The following MIPEP variants were observed in gnomAD, a reference collection of about 807,000 sequenced individuals.
MIPEP encodes mitochondrial intermediate peptidase.
In MIPEP, 79 loss-of-function variants were observed where a neutral mutation model predicts 90.3. That is an observed-to-expected ratio of 0.87 (90% CI 0.73 to 1.05). The LOEUF (loss-of-function observed/expected upper bound fraction) is 1.05. MIPEP is among the 50% of genes least tolerant of loss of function. MIPEP has a pLI of 0.00. For missense variants in MIPEP, 940 were observed against 905.6 expected (o/e 1.04, Z -0.49); for synonymous variants, 334 against 315.8 (o/e 1.06, Z -0.61).
At chr13:23,849,295 A>G (rs1869696566) in intron 10 of MIPEP, among the ~76,000 whole-genome samples, 1 of 152,260 alleles carries the variant, frequency 6.6e-6, no homozygotes, top group Non-Finnish European at 1.5e-5. Context: ...CTCACAGCAC[A>G]GCAGAGCCAC....
chr13:23,847,587 G>C (rs1869605517), intron 10 of MIPEP, among the ~76,000 whole-genome samples: 1 of 152,078 alleles, frequency 6.6e-6, no homozygotes, highest in African/African-American at 2.4e-5. Context: ...TGGGTAGACT[G>C]ACAGGCCTAT....
chr13:23,760,053 A>G, intron 17 of MIPEP, 43 bp downstream of exon 17: 3 of 1,612,326 alleles, frequency 1.9e-6, no homozygotes, highest in Non-Finnish European at 2.5e-6. Flanking sequence ...GTGGGGAATT[A>G]CTGTGGTCCA....
chr13:23,853,342 T>C (rs1445782032), intron 10 of MIPEP, among the ~76,000 whole-genome samples: 1 of 152,150 alleles, frequency 6.6e-6, no homozygotes, highest in Non-Finnish European at 1.5e-5. Context: ...TTTTTTATCT[T>C]TTATACCTAT....
chr13:23,887,408 T>A (rs767061017), intron 1 of MIPEP, among the ~76,000 whole-genome samples: 2 of 152,232 alleles, frequency 1.3e-5, no homozygotes, highest in Non-Finnish European at 2.9e-5. Flanking sequence ...ATCATTCTTT[T>A]ACAGATCAGG....
At chr13:23,851,951 T>C (rs1363192067) in intron 10 of MIPEP, among the ~76,000 whole-genome samples, 1 of 152,216 alleles carries the variant, frequency 6.6e-6, no homozygotes, top group Non-Finnish European at 1.5e-5. Context: ...CAGTGAGTTA[T>C]TATATGTAAC....
chr13:23,755,928 A>G (rs1302543644), intron 18 of MIPEP, among the ~76,000 whole-genome samples: 1 of 152,188 alleles, frequency 6.6e-6, no homozygotes, highest in Admixed American at 6.5e-5. Context: ...TTAGACTAAA[A>G]AAAAAACACT....
intron 15 of MIPEP, among the ~76,000 whole-genome samples, chr13:23,806,716 ATATCTATCTATCTATCTATCTATC>A (rs10675933): frequency 6.8e-6 from 1 of 147,154 alleles, no homozygotes; most frequent in Admixed American, 6.8e-5. Context: ...AAAAAAATCT[ATATCTATCTATCTATCTATCTATC>A]TATCTATCTA....
intron 17 of MIPEP, among the ~76,000 whole-genome samples, 185 bp downstream of exon 17, chr13:23,759,911 G>A (rs111626609): frequency 3.3e-4 from 51 of 152,280 alleles, no homozygotes; most frequent in African/African-American, 1.1e-3. Context: ...GGTCAGCTGC[G>A]GGAAGCAGGA....
chr13:23,818,016 A>C (rs542266836), intron 14 of MIPEP, among the ~76,000 whole-genome samples: 18 of 152,256 alleles, frequency 1.2e-4, no homozygotes, highest in South Asian at 1.0e-3. Context: ...ACATTAAAAC[A>C]TGTTTCCTGT....
At chr13:23,889,094 G>C in intron 1 of MIPEP, 38 bp downstream of exon 1, 1 of 1,380,000 alleles carries the variant, frequency 7.2e-7, no homozygotes, top group Non-Finnish European at 9.4e-7. Context: ...GGTCGGCTTA[G>C]CTCGGGGACT....
intron 11 of MIPEP, among the ~76,000 whole-genome samples, chr13:23,840,806 A>G (rs573294814): frequency 4.6e-5 from 7 of 152,378 alleles, no homozygotes; most frequent in African/African-American, 1.7e-4. Flanking sequence ...ATGAGGAAAA[A>G]TTTAAAATAT....
intron 18 of MIPEP, among the ~76,000 whole-genome samples, chr13:23,752,670 A>C (rs774694715): frequency 2.0e-5 from 3 of 152,210 alleles, no homozygotes; most frequent in Non-Finnish European, 2.9e-5. Context: ...AACAGCAGAA[A>C]ACCTTAACAT....
At chr13:23,831,986 G>C (rs1311895208) in intron 14 of MIPEP, among the ~76,000 whole-genome samples, 1 of 152,120 alleles carries the variant, frequency 6.6e-6, no homozygotes, top group Admixed American at 6.5e-5. Flanking sequence ...TTTGGGGAGA[G>C]AGCACACTAT....
Position 23,879,296 on chromosome 13 carries a change from GT to G in MIPEP, c.510del (p.Lys170AsnfsTer28). On this transcript the variant is annotated frameshift_variant, in exon 4 of 19. Coordinates refer to ENST00000382172, the MANE Select transcript of MIPEP (RefSeq NM_005932.4). LOFTEE classifies it high-confidence loss of function. The part of the protein sequence containing the change: ...QSLQKLLADK[K>X]LVDSLDPETR... Reference sequence around the variant, plus strand: ...GTTTCTGGATCAAGGGAATCCACAAGTTTTTTATCAGCTAGTAATTTTTGCA... The same window carrying G: ...GTTTCTGGATCAAGGGAATCCACAAGTTTTTATCAGCTAGTAATTTTTGCA... 9 of 1,606,396 alleles carry G rather than the reference GT, an allele frequency of 5.6e-6. No homozygotes were observed. The highest frequency in any genetic ancestry group is 7.7e-6 in the Non-Finnish European group (9 of 1,173,494).
intron 10 of MIPEP, among the ~76,000 whole-genome samples, chr13:23,851,182 G>A (rs1343674314): frequency 6.6e-6 from 1 of 152,210 alleles, no homozygotes; most frequent in East Asian, 1.9e-4. Flanking sequence ...CTGTCCTGCA[G>A]GGATGCAGCA....
At chr13:23,838,328 T>TG (rs1490225542) in intron 12 of MIPEP, among the ~76,000 whole-genome samples, 1 of 152,078 alleles carries the variant, frequency 6.6e-6, no homozygotes, top group African/African-American at 2.4e-5. Context: ...GATTTTTTTT[T>TG]GTACAGATGG....
intron 16 of MIPEP, chr13:23,760,460 T>C (rs1442460038): frequency 1.4e-6 from 1 of 692,682 alleles, no homozygotes; most frequent in Non-Finnish European, 2.7e-6. Context: ...TGTGACTTAT[T>C]AGGAGACACA....
chr13:23,768,627 C>T (rs1952617113), intron 16 of MIPEP, among the ~76,000 whole-genome samples: 1 of 152,112 alleles, frequency 6.6e-6, no homozygotes, highest in Admixed American at 6.6e-5. Flanking sequence ...CCCAGCTACT[C>T]AGGAGGCTGA....
rs752524886 is a variant in MIPEP at position 23,864,153 on chromosome 13, T to G, written c.980A>C (p.Lys327Thr). ...VMQFLEKLSD[K>T]LSERTLKDFE... ...AATAAAAACTAACCTTTCAGAAAGT[T>G]TGTCAGATAGTTTTTCAAGGAACTG... Residue 327 changes from lysine (K) to threonine (T), a missense_variant, in exon 8 of 19, where the codon AAA (lysine) becomes ACA (threonine). Coordinates refer to ENST00000382172, the MANE Select transcript of MIPEP (RefSeq NM_005932.4). 1.9e-6 allele frequency: 3 copies of G among 1,560,594 alleles called. No homozygotes were observed. In the Admixed American group the frequency reaches 5.7e-5, roughly 30 times the overall value.
Sources: allele counts gnomAD v4.1 joint callset (sites outside exome capture counted in the v4.1 genomes callset), GRCh38; gene constraint gnomAD v4.1.1; transcripts MANE v1.5; gene names NCBI Gene and HGNC (gene_info 2026-07-23, HGNC 2026-07-21).